The following PLAT variants were observed in gnomAD, a reference collection of about 807,000 sequenced individuals.
The protein encoded by PLAT is tissue-type plasminogen activator.
Under a neutral mutation model 74.9 loss-of-function variants are expected in PLAT, and 48 were observed. The ratio of observed to expected loss-of-function variants is 0.64; its 90% CI spans 0.51 to 0.82. PLAT has a LOEUF of 0.82. Ranked by LOEUF, PLAT falls within the 40% of genes least tolerant of loss-of-function variation. The pLI is 0.00. For synonymous variants in PLAT, 307 were observed against 294.4 expected (o/e 1.04, Z -0.44); for missense variants, 673 against 736.2 (o/e 0.91, Z 0.99).
rs1334301446 is a variant in PLAT, at chr8:42,182,871, A to G, written c.651T>C (p.Phe217=). 1 of 1,606,562 alleles carries G rather than the reference A, an allele frequency of 6.2e-7. No homozygotes were observed. Among genetic ancestry groups the G allele is most frequent in the Non-Finnish European group, 8.5e-7 (1 of 1,177,932 alleles). Residue 217 remains phenylalanine (F), a synonymous_variant, in exon 8 of 14, where the codon TTT becomes TTC. Transcript: ENST00000220809. ...TGCCACGGTAGGCTGACCCATTCCC[A>G]AAGTAGCAGTCACTGTTTCCTAGAA... ...ACSEGNSDCY[F]GNGSAYRGTH...
chr8:42,188,071 G>T, intron 4 of PLAT, 55 bp from the exon 5 acceptor site: 1 of 1,092,636 alleles, frequency 9.2e-7, no homozygotes, highest in Non-Finnish European at 1.4e-6. Flanking sequence ...GTGTGCTCAG[G>T]CCATGGTTCC....
chr8:42,178,031 C>T (rs897243975), intron 13 of PLAT, among the ~76,000 whole-genome samples: 4 of 152,210 alleles, frequency 2.6e-5, no homozygotes, highest in Non-Finnish European at 5.9e-5. Flanking sequence ...GCCTGTCCTC[C>T]CATACCCCAG....
chr8:42,182,973 C>T (rs1005417804), intron 7 of PLAT, 83 bp from the exon 8 acceptor site: 4 of 1,148,670 alleles, frequency 3.5e-6, no homozygotes, highest in South Asian at 1.4e-5. Context: ...GCGGAGCTGC[C>T]GGTCGAGGAA....
At chr8:42,206,129 C>T (rs892313084) in intron 1 of PLAT, among the ~76,000 whole-genome samples, 7 of 152,226 alleles carry the variant, frequency 4.6e-5, no homozygotes, top group African/African-American at 1.7e-4. Flanking sequence ...GTGAAATAAA[C>T]CAAGCTGGTC....
In PLAT at chr8:42,175,641, G is replaced by A. The variant is rs1804939387; in HGVS notation, c.*352C>T. On this transcript the variant is annotated 3_prime_UTR_variant, in exon 14 of 14. Transcript: ENST00000220809. ...ACTATTGAGACATGCTTTCATTTTT[G>A]TGGTCCTGTTTCCAAAGCTGCTCAC... 1 of 202,090 alleles carries A rather than the reference G, an allele frequency of 4.9e-6. No homozygotes were observed. Among genetic ancestry groups the A allele is most frequent in the Non-Finnish European group, 1.0e-5 (1 of 99,530 alleles). The allele number at this position is 202,090 out of a possible 1,614,324, so 12.5% of individuals were successfully genotyped here. A position where few individuals can be genotyped will look rare whatever the true frequency, so the allele number is the denominator to read the frequency against.
intron 12 of PLAT, 69 bp downstream of exon 12, chr8:42,179,857 C>G (rs980186180): frequency 3.5e-6 from 5 of 1,440,836 alleles, no homozygotes; most frequent in Non-Finnish European, 4.6e-6. Context: ...ACCCCATTTT[C>G]CTCTGGTGGA....
intron 3 of PLAT, among the ~76,000 whole-genome samples, chr8:42,191,090 C>T (rs8178737): frequency 3.2e-4 from 48 of 151,600 alleles, no homozygotes; most frequent in African/African-American, 1.1e-3. Context: ...GGCCAGTGGC[C>T]GCCCCCCCCA....
intron 1 of PLAT, among the ~76,000 whole-genome samples, chr8:42,201,032 G>T (rs1462386861): frequency 1.3e-5 from 2 of 152,156 alleles, no homozygotes; most frequent in Non-Finnish European, 2.9e-5. Flanking sequence ...GTTTCGGCAT[G>T]CTGGCCAGGC....
chr8:42,182,534 G>T, intron 8 of PLAT, 185 bp downstream of exon 8: 1 of 499,966 alleles, frequency 2.0e-6, no homozygotes. Flanking sequence ...TTGGAAAACT[G>T]GTAGACCTTG....
At position 42,187,472 on chromosome 8, in the gene PLAT, C is replaced by G. The variant is rs770133336; in HGVS notation, c.465G>C (p.Ala155=). Residue 155 remains alanine (A), a synonymous_variant, in exon 6 of 14, where the codon GCG becomes GCC. Transcript: ENST00000220809. The part of the protein sequence containing the change: ...GAECTNWNSS[A]LAQKPYSGRR... ...GCCCGCTGTAGGGCTTCTGGGCCAA[C>G]GCGCTGCTGTTCCAGTTGGTGCACT... The G allele has an allele frequency of 1.9e-6, 3 of 1,608,826 alleles. No individual in the cohort carries two copies. The highest frequency in any genetic ancestry group is 2.5e-6 in the Non-Finnish European group (3 of 1,179,774).
intron 7 of PLAT, among the ~76,000 whole-genome samples, chr8:42,183,559 C>T (rs187220259): frequency 6.6e-5 from 10 of 152,182 alleles, no homozygotes; most frequent in Admixed American, 2.6e-4. Flanking sequence ...GGTTATTTCT[C>T]GGACTGTGTC....
At chr8:42,192,427 C>T (rs966782642) in intron 2 of PLAT, among the ~76,000 whole-genome samples, 1 of 152,104 alleles carries the variant, frequency 6.6e-6, no homozygotes, top group African/African-American at 2.4e-5. Flanking sequence ...ACACCTGTAA[C>T]CCCAGAGTTT....
Position 42,192,948 on chromosome 8 carries a change from G to A in PLAT, c.72+166C>T, listed in dbSNP as rs139329583. The stretch of plus-strand genomic sequence containing the variant: ...CAAATACAGAGTTTGCTGTACAGAA[G>A]GGAGTGTGTGCTGTGTGCTCCACAG... On this transcript the variant is annotated intron_variant, in intron 2 of 13. Transcript: ENST00000220809. 2.3e-3 allele frequency among the ~76,000 whole-genome samples: 354 copies of A among 152,322 alleles called. 2 individuals carry two copies. The highest frequency in any genetic ancestry group is 8.4e-3 in the African/African-American group (348 of 41,590).
chr8:42,180,391 C>T lies in PLAT; in HGVS notation c.1086-13G>A, dbSNP rs746726957. ...GTGGGGCGGAAACCTGGTGGAGAAA[C>T]AGCCTTAGAATGCTTTTTTTGCTGT... On this transcript the variant is annotated splice_polypyrimidine_tract_variant and intron_variant, in intron 10 of 13. Coordinates refer to ENST00000220809, the MANE Select transcript of PLAT (RefSeq NM_000930.5). The T allele has an allele frequency of 6.2e-6, 10 of 1,613,986 alleles. No homozygotes were observed. The African/African-American group carries it at 1.3e-4, about 22-fold the overall frequency.
At chr8:42,187,622 C>A in intron 5 of PLAT, 50 bp from the exon 6 acceptor site, 1 of 1,511,812 alleles carries the variant, frequency 6.6e-7, no homozygotes, top group South Asian at 1.2e-5. Context: ...CCCTTTCATT[C>A]AGCCCTCAGG....
intron 8 of PLAT, 41 bp downstream of exon 8, chr8:42,182,678 G>A (rs376431541): frequency 2.0e-5 from 30 of 1,499,348 alleles, no homozygotes; most frequent in South Asian, 1.0e-4. Context: ...CTAATCCCAC[G>A]TTCTGCCAAG....
Position 42,180,217 on chromosome 8 carries a change from GGAGCCGGGAATGACGAGCTCTTACCAA to G in PLAT, c.1220_1222+24del. ...GTGTGTTGTGTGATCTGTATGAACT[GGAGCCGGGAATGACGAGCTCTTACCAA>G]TGTCATTGTCGTAAGTGTCATCATC... On this transcript the variant is annotated splice_donor_variant and splice_donor_5th_base_variant and coding_sequence_variant and intron_variant, in exon 11 of 14. Coordinates refer to ENST00000220809, the MANE Select transcript of PLAT (RefSeq NM_000930.5). LOFTEE classifies it high-confidence loss of function. The G allele has an allele frequency of 1.9e-6, 3 of 1,613,756 alleles. No individual in the cohort carries two copies. The highest frequency in any genetic ancestry group is 2.5e-6 in the Non-Finnish European group (3 of 1,179,756).
chr8:42,192,214 G>C (rs1219732001), intron 2 of PLAT, among the ~76,000 whole-genome samples: 2 of 151,790 alleles, frequency 1.3e-5, no homozygotes, highest in Admixed American at 1.3e-4. Flanking sequence ...ATATTGCCCA[G>C]ACTGGTCTCC....
chr8:42,182,541 CT>C, intron 8 of PLAT, 177 bp downstream of exon 8: 1 of 511,254 alleles, frequency 2.0e-6, no homozygotes, highest in South Asian at 3.2e-5. Flanking sequence ...ACTGGTAGAC[CT>C]TGCTTTTCAC....
Sources: allele counts gnomAD v4.1 joint callset (sites outside exome capture counted in the v4.1 genomes callset), GRCh38; gene constraint gnomAD v4.1.1; transcripts MANE v1.5; gene names NCBI Gene and HGNC (gene_info 2026-07-23, HGNC 2026-07-21).